The following RAP1GAP2 variants were observed in gnomAD, a reference collection of about 807,000 sequenced individuals.
The protein encoded by RAP1GAP2 is rap1 GTPase-activating protein 2.
A neutral mutation model predicts 95.0 loss-of-function variants in RAP1GAP2; 27 were observed. That is an observed-to-expected ratio of 0.28 (90% CI 0.21 to 0.39). RAP1GAP2 has a LOEUF of 0.39. Ranked by LOEUF, RAP1GAP2 falls within the 10% of genes least tolerant of loss-of-function variation. The pLI is 1.00. For missense variants in RAP1GAP2, 771 were observed against 970.0 expected (o/e 0.79, Z 2.72); for synonymous variants, 373 against 380.9 (o/e 0.98, Z 0.24).
intron 11 of RAP1GAP2, among the ~76,000 whole-genome samples, chr17:2,985,728 C>G (rs1419747522): frequency 6.6e-6 from 1 of 152,132 alleles, no homozygotes; most frequent in African/African-American, 2.4e-5. Context: ...GAATGCGAGT[C>G]TGATGGTGTA....
chr17:2,853,616 C>G (rs2151600020), intron 2 of RAP1GAP2, among the ~76,000 whole-genome samples: 1 of 149,976 alleles, frequency 6.7e-6, no homozygotes, highest in Non-Finnish European at 1.5e-5. Flanking sequence ...CTCCCTGTGC[C>G]CCGCGTCCTC....
At chr17:2,942,957 T>C (rs148432052) in intron 3 of RAP1GAP2, among the ~76,000 whole-genome samples, 1,911 of 152,032 alleles carry the variant, frequency 0.013, 30 homozygotes, top group African/African-American at 0.042. Flanking sequence ...TTAGTAGAGA[T>C]GGGGTTTCAC....
intron 8 of RAP1GAP2, among the ~76,000 whole-genome samples, chr17:2,970,569 G>A (rs2044823742): frequency 6.6e-6 from 1 of 152,094 alleles, no homozygotes; most frequent in African/African-American, 2.4e-5. Context: ...TCAAACACTT[G>A]GATTTTTGCC....
intron 3 of RAP1GAP2, among the ~76,000 whole-genome samples, chr17:2,930,405 C>T (rs1343605274): frequency 6.6e-6 from 1 of 152,248 alleles, no homozygotes; most frequent in African/African-American, 2.4e-5. Context: ...CTGCCAGCCT[C>T]AGTGCTCAGG....
At chr17:2,927,073 C>G (rs2042980445) in intron 3 of RAP1GAP2, among the ~76,000 whole-genome samples, 2 of 150,238 alleles carry the variant, frequency 1.3e-5, no homozygotes, top group Admixed American at 6.6e-5. Flanking sequence ...AGGGGACAAT[C>G]TATCCTCTTG....
At chr17:2,890,469 G>T (rs2073669597) in intron 2 of RAP1GAP2, among the ~76,000 whole-genome samples, 1 of 151,932 alleles carries the variant, frequency 6.6e-6, no homozygotes, top group African/African-American at 2.4e-5. Flanking sequence ...TGGAAGGCCG[G>T]TTGGCTCTGT....
At chr17:2,791,245 C>T (rs2068917387) in intron 1 of RAP1GAP2, among the ~76,000 whole-genome samples, 1 of 152,062 alleles carries the variant, frequency 6.6e-6, no homozygotes, top group South Asian at 2.1e-4. Context: ...GGGTGAGTTC[C>T]CTGGAGCTCT....
intron 23 of RAP1GAP2, among the ~76,000 whole-genome samples, chr17:3,031,871 G>A (rs962858286): frequency 5.5e-5 from 8 of 145,586 alleles, no homozygotes; most frequent in African/African-American, 1.8e-4. Context: ...GTCCAGATGT[G>A]ATGTGGGAAG....
intron 2 of RAP1GAP2, among the ~76,000 whole-genome samples, chr17:2,828,213 C>T (rs372530122): frequency 7.9e-5 from 12 of 152,036 alleles, no homozygotes; most frequent in Admixed American, 3.3e-4. Context: ...TGGTGGTGCA[C>T]GCCTGTAATC....
At position 3,027,592 on chromosome 17, in the gene RAP1GAP2, G is replaced by A. The variant is rs931160873; in HGVS notation, c.2107+522G>A. Among the ~76,000 whole-genome samples, 3 of 151,600 alleles carry A rather than the reference G, an allele frequency of 2.0e-5. No homozygotes were observed. The highest frequency in any genetic ancestry group is 7.2e-5 in the African/African-American group (3 of 41,380). Reference sequence around the variant, plus strand: ...GGTTCACAGAGCCAGGCGTCAGAGAGGCCGGAGCGTTGACAGGCTGGGTCA... The same window carrying A: ...GGTTCACAGAGCCAGGCGTCAGAGAAGCCGGAGCGTTGACAGGCTGGGTCA... On this transcript the variant is annotated intron_variant, in intron 22 of 24. Transcript: ENST00000254695. The surrounding 1 kb of genome is among the most constrained non-coding windows in gnomAD (Gnocchi z 5.2).
At chr17:2,842,613 C>A (rs1026695580) in intron 2 of RAP1GAP2, among the ~76,000 whole-genome samples, 2 of 151,724 alleles carry the variant, frequency 1.3e-5, no homozygotes, top group East Asian at 1.9e-4. Context: ...GCCCTCCCCT[C>A]CCTAGAGTTG....
rs747578998 is a variant in RAP1GAP2, at chr17:2,904,354, G to A, written c.81-930G>A. Among the ~76,000 whole-genome samples the A allele has an allele frequency of 4.4e-4, 67 of 152,180 alleles. No homozygotes were observed. The highest frequency in any genetic ancestry group is 9.0e-4 in the Non-Finnish European group (61 of 68,030). ...ACTCCCCGGTCACCAGCGAGGGCCA[G>A]ATGGAAAGTGGGGAGTGTGTGAGCG... On this transcript the variant is annotated intron_variant, in intron 2 of 24. Coordinates refer to ENST00000254695, the MANE Select transcript of RAP1GAP2 (RefSeq NM_015085.5). The surrounding 1 kb of genome is among the most constrained non-coding windows in gnomAD (Gnocchi z 4.7).
chr17:2,909,088 C>T (rs1050408800), intron 3 of RAP1GAP2, among the ~76,000 whole-genome samples: 15 of 152,242 alleles, frequency 9.9e-5, no homozygotes, highest in African/African-American at 3.4e-4. Context: ...TCTGGGAGCC[C>T]TTCTCCTAGA....
At chr17:2,928,597 G>A (rs538594002) in intron 3 of RAP1GAP2, among the ~76,000 whole-genome samples, 3 of 152,296 alleles carry the variant, frequency 2.0e-5, no homozygotes, top group East Asian at 3.9e-4. Context: ...GTCAGATAGC[G>A]TTGCCTGGCT....
rs976899168 is a variant in RAP1GAP2 at position 3,003,092 on chromosome 17, T to A, written c.1201-2277T>A. ...GTCTTGAATCCTGACAAGCCCCTGG[T>A]GAGACAAGACCTCTCGCTAGAGGGA... On this transcript the variant is annotated intron_variant, in intron 14 of 24. Transcript: ENST00000254695. This position sits in a 1 kb window ranked among gnomAD's most constrained non-coding sequence, Gnocchi z 4.1. Among the ~76,000 whole-genome samples the A allele has an allele frequency of 1.3e-5, 2 of 152,012 alleles. No individual in the cohort carries two copies. The highest frequency in any genetic ancestry group is 4.8e-5 in the African/African-American group (2 of 41,388).
chr17:2,881,710 A>G (rs1237484918), intron 2 of RAP1GAP2, among the ~76,000 whole-genome samples: 3 of 152,150 alleles, frequency 2.0e-5, no homozygotes, highest in Non-Finnish European at 4.4e-5. Flanking sequence ...ACACTTTTCA[A>G]CAATGGGCTA....
At chr17:2,908,189 C>T (rs995084624) in intron 3 of RAP1GAP2, among the ~76,000 whole-genome samples, 7 of 152,102 alleles carry the variant, frequency 4.6e-5, no homozygotes, top group East Asian at 3.9e-4. Flanking sequence ...TCTGCACATG[C>T]GTTCAGGCAG....
chr17:3,003,703 C>T lies in RAP1GAP2; in HGVS notation c.1201-1666C>T, dbSNP rs572514712. Among the ~76,000 whole-genome samples the T allele has an allele frequency of 2.0e-5, 3 of 152,304 alleles. No homozygotes were observed. Among genetic ancestry groups the T allele is most frequent in the African/African-American group, 4.8e-5 (2 of 41,562 alleles). On this transcript the variant is annotated intron_variant, in intron 14 of 24. Coordinates refer to ENST00000254695, the MANE Select transcript of RAP1GAP2 (RefSeq NM_015085.5). This position sits in a 1 kb window ranked among gnomAD's most constrained non-coding sequence, Gnocchi z 4.1. ...CCTCCAAGCCCTCGCTGGAGGCCCT[C>T]GCTGCATTTAGAAAACAGGAAGGTG...
chr17:2,761,392 G>A (rs1315241039), intron 1 of RAP1GAP2, among the ~76,000 whole-genome samples: 2 of 151,396 alleles, frequency 1.3e-5, no homozygotes, highest in African/African-American at 4.8e-5. Context: ...GGGTTCAAGC[G>A]ATTCTCTTGC....
Sources: gnomAD v4.1 joint callset for allele counts (sites outside exome capture counted in the v4.1 genomes callset) on GRCh38, gnomAD v4.1.1 for gene constraint, Gnocchi (gnomAD v3.1) non-coding constraint, MANE v1.5 for transcripts, NCBI Gene and HGNC (gene_info 2026-07-23, HGNC 2026-07-21) for gene names.